The following MAP3K5 variants were observed in gnomAD, a reference collection of about 807,000 sequenced individuals.
MAP3K5 encodes ASK-1.
A neutral mutation model predicts 158.7 loss-of-function variants in MAP3K5; 56 were observed. The observed-to-expected ratio is 0.35, with a 90% CI of 0.28 to 0.44. The LOEUF (loss-of-function observed/expected upper bound fraction) is 0.44, where lower values mean the gene tolerates loss of function less well. Among genes scored for constraint, MAP3K5 ranks in the 20% least tolerant of loss-of-function variants. The probability of loss-of-function intolerance (pLI) is 1.00; values close to 1 mark genes in which losing one functional copy is unlikely to be tolerated. For synonymous variants in MAP3K5, 579 were observed against 601.7 expected (o/e 0.96, Z 0.55); for missense variants, 1,294 against 1,674.8 (o/e 0.77, Z 3.97).
intron 1 of MAP3K5, among the ~76,000 whole-genome samples, chr6:136,734,246 C>T (rs1291793331): frequency 6.6e-6 from 1 of 151,846 alleles, no homozygotes; most frequent in Non-Finnish European, 1.5e-5. Flanking sequence ...TGGTGAAACC[C>T]TGTCTCTACT....
intron 1 of MAP3K5, among the ~76,000 whole-genome samples, chr6:136,727,699 A>G (rs2327757): frequency 0.53 from 81,238 of 152,018 alleles, 22,654 homozygotes; most frequent in African/African-American, 0.7. Context: ...AGTGGCTCAC[A>G]CCTGTAATCC....
intron 1 of MAP3K5, among the ~76,000 whole-genome samples, chr6:136,728,888 G>C (rs1782087967): frequency 6.6e-6 from 1 of 152,098 alleles, no homozygotes; most frequent in South Asian, 2.1e-4. Flanking sequence ...GCCTTAAAAA[G>C]AGTTGAGAGC....
chr6:136,592,629 A>T lies in MAP3K5; in HGVS notation c.2879-15T>A. On this transcript the variant is annotated splice_polypyrimidine_tract_variant and intron_variant, in intron 21 of 29. Transcript: ENST00000359015. The stretch of plus-strand genomic sequence containing the variant: ...CCTGAGATATTCTGCTTGTGATGAG[A>T]GGAGGGAAAAGATAATTGACACTTT... 1 of 1,608,258 alleles carries T rather than the reference A, an allele frequency of 6.2e-7. No individual in the cohort carries two copies. Among genetic ancestry groups the T allele is most frequent in the Non-Finnish European group, 8.5e-7 (1 of 1,175,260 alleles).
At position 136,605,255 on chromosome 6, in the gene MAP3K5, T is replaced by C. The variant is rs1231113610; in HGVS notation, c.2633A>G (p.Lys878Arg). The C allele has an allele frequency of 6.2e-6, 10 of 1,614,138 alleles. No homozygotes were observed. Among genetic ancestry groups the C allele is most frequent in the Non-Finnish European group, 7.6e-6 (9 of 1,179,996 alleles). The change falls in exon 19 of 30, where the codon AAA becomes AGA. Residue 878 changes from lysine to arginine, a missense_variant. Transcript: ENST00000359015. ...TTCTCCCAGTTCATAAAATGGGGGT[T>C]TTCCTGTGGCCATTTCAATGATTGT... is the stretch of plus-strand genomic sequence containing the variant. The part of the protein sequence containing the change: ...GCTIIEMATG[K>R]PPFYELGEPQ...
chr6:136,567,949 A>T (rs1583194042), intron 25 of MAP3K5, 75 bp from the exon 26 acceptor site: 1 of 1,470,610 alleles, frequency 6.8e-7, no homozygotes, highest in East Asian at 2.3e-5. Flanking sequence ...TATGAATGCT[A>T]CCCTCCTGCC....
chr6:136,612,459 C>A (rs945172908), intron 17 of MAP3K5, among the ~76,000 whole-genome samples: 1 of 152,054 alleles, frequency 6.6e-6, no homozygotes, highest in Non-Finnish European at 1.5e-5. Flanking sequence ...ACTTTCTTTT[C>A]TATGTTTCTT....
chr6:136,609,711 T>C lies in MAP3K5; in HGVS notation c.2521+1571A>G, dbSNP rs1169561972. Among the ~76,000 whole-genome samples the C allele has an allele frequency of 6.6e-6, 1 of 151,738 alleles. No homozygotes were observed. The highest frequency in any genetic ancestry group is 6.6e-5 in the Admixed American group (1 of 15,198). On this transcript the variant is annotated intron_variant, in intron 18 of 29. Transcript: ENST00000359015. This position sits in a 1 kb window ranked among gnomAD's most constrained non-coding sequence, Gnocchi z 4.4. ...AGGGAGGCTGAGGTAGGAGAATCAC[T>C]TGAGCCCGGGGTAGGGGAGGTCACA...
chr6:136,647,073 A>T (rs1409643402), intron 11 of MAP3K5, among the ~76,000 whole-genome samples: 1 of 152,128 alleles, frequency 6.6e-6, no homozygotes, highest in African/African-American at 2.4e-5. Context: ...TTCTTTCCAA[A>T]TCAAATCATC....
At chr6:136,709,229 G>A (rs1781205779) in intron 2 of MAP3K5, among the ~76,000 whole-genome samples, 1 of 151,974 alleles carries the variant, frequency 6.6e-6, no homozygotes, top group South Asian at 2.1e-4. Context: ...GACATACAGC[G>A]GGTACTACAA....
chr6:136,611,927 A>G (rs964991718), intron 17 of MAP3K5, among the ~76,000 whole-genome samples: 13 of 152,168 alleles, frequency 8.5e-5, no homozygotes, highest in Non-Finnish European at 1.9e-4. Context: ...TGACATCACT[A>G]TTGTAGAACT....
At chr6:136,758,303 T>C (rs1329737996) in intron 1 of MAP3K5, among the ~76,000 whole-genome samples, 2 of 152,260 alleles carry the variant, frequency 1.3e-5, no homozygotes, top group Non-Finnish European at 2.9e-5. Flanking sequence ...TTGCAGTTTT[T>C]CATTTTTATT....
At chr6:136,684,946 A>G (rs1216289714) in intron 7 of MAP3K5, among the ~76,000 whole-genome samples, 1 of 152,158 alleles carries the variant, frequency 6.6e-6, no homozygotes, top group East Asian at 1.9e-4. Context: ...CATTCAAACC[A>G]TTCACTCTCT....
chr6:136,733,842 A>G (rs891270076), intron 1 of MAP3K5, among the ~76,000 whole-genome samples: 6 of 152,088 alleles, frequency 3.9e-5, no homozygotes, highest in Non-Finnish European at 7.4e-5. Context: ...TTCACTCTTG[A>G]TGCTGTACAT....
chr6:136,789,675 CTTT>C (rs57162918), intron 1 of MAP3K5, among the ~76,000 whole-genome samples: 39,987 of 77,684 alleles, frequency 0.51, 10,691 homozygotes, highest in African/African-American at 0.58. Flanking sequence ...AGCACAACCT[CTTT>C]TTTTTTTTTT....
intron 7 of MAP3K5, among the ~76,000 whole-genome samples, chr6:136,675,004 T>C (rs1009869770): frequency 6.6e-6 from 1 of 151,928 alleles, no homozygotes; most frequent in Non-Finnish European, 1.5e-5. Flanking sequence ...AAATGATGCA[T>C]AAAGATGTAC....
At chr6:136,656,656 G>A (rs997248828) in intron 9 of MAP3K5, among the ~76,000 whole-genome samples, 196 bp from the exon 10 acceptor site, 7 of 150,964 alleles carry the variant, frequency 4.6e-5, no homozygotes, top group Non-Finnish European at 7.4e-5. Context: ...ACAGAGTCTC[G>A]CTCTGTCGCC....
chr6:136,565,453 A>G (rs1355629070), intron 26 of MAP3K5, among the ~76,000 whole-genome samples: 1 of 152,164 alleles, frequency 6.6e-6, no homozygotes, highest in African/African-American at 2.4e-5. Flanking sequence ...TGTTTTTGAG[A>G]TAGGGTCTTG....
At chr6:136,764,983 G>GT (rs1223023802) in intron 1 of MAP3K5, among the ~76,000 whole-genome samples, 1 of 152,132 alleles carries the variant, frequency 6.6e-6, no homozygotes, top group African/African-American at 2.4e-5. Flanking sequence ...TACCATGTGT[G>GT]TTTTCAGGAT....
intron 7 of MAP3K5, among the ~76,000 whole-genome samples, chr6:136,681,270 C>T (rs1400200208): frequency 6.6e-6 from 1 of 152,152 alleles, no homozygotes; most frequent in African/African-American, 2.4e-5. Context: ...ATAAAGCAAG[C>T]CTTAGTTTCT....
Sources: gnomAD v4.1 joint callset for allele counts (sites outside exome capture counted in the v4.1 genomes callset) on GRCh38, gnomAD v4.1.1 for gene constraint, Gnocchi (gnomAD v3.1) non-coding constraint, MANE v1.5 for transcripts, NCBI Gene and HGNC (gene_info 2026-07-23, HGNC 2026-07-21) for gene names.